NOX4: variants seen among roughly 807,000 people sequenced by gnomAD.
NOX4 encodes kidney oxidase-1.
A neutral mutation model predicts 87.6 loss-of-function variants in NOX4; 69 were observed. The observed-to-expected ratio is 0.79, with a 90% CI of 0.65 to 0.96. NOX4 has a LOEUF of 0.96. Among genes scored for constraint, NOX4 ranks in the 40% least tolerant of loss-of-function variants. The pLI is 0.00. For synonymous variants in NOX4, 275 were observed against 238.2 expected (o/e 1.15, Z -1.42); for missense variants, 680 against 681.5 (o/e 1.00, Z 0.02).
chr11:89,339,242 T>A (rs317180), intron 15 of NOX4, among the ~76,000 whole-genome samples: 91,520 of 151,988 alleles, frequency 0.6, 30,465 homozygotes, highest in African/African-American at 0.9. Context: ...TAAAAGAATC[T>A]GGTGGGTCTA....
Position 89,432,876 on chromosome 11 carries a change from T to C in NOX4, c.476-20A>G, listed in dbSNP as rs773346493. ...CAGGAACTATAAAAATGTATACAAG[T>C]AGGTTTTTACTTAAATCATAGTGAG... is the stretch of plus-strand genomic sequence containing the variant. On this transcript the variant is annotated intron_variant, in intron 6 of 17. Transcript: ENST00000263317. 6.4e-7 allele frequency: 1 copy of C among 1,556,234 alleles called. No individual in the cohort carries two copies. The highest frequency in any genetic ancestry group is 1.1e-5 in the South Asian group (1 of 89,314).
intron 8 of NOX4, among the ~76,000 whole-genome samples, chr11:89,412,815 A>T (rs1392431067): frequency 6.6e-6 from 1 of 152,116 alleles, no homozygotes; most frequent in African/African-American, 2.4e-5. Flanking sequence ...CAATCAAAGC[A>T]AAAATAGACA....
chr11:89,396,707 C>G (rs1239685384), intron 11 of NOX4, among the ~76,000 whole-genome samples: 2 of 151,948 alleles, frequency 1.3e-5, no homozygotes, highest in African/African-American at 4.8e-5. Flanking sequence ...CAACAAAGAT[C>G]AAAAGAGACA....
chr11:89,394,230 TAAA>T lies in NOX4; in HGVS notation c.1074+5784_1074+5786del, dbSNP rs977038155. On this transcript the variant is annotated intron_variant, in intron 11 of 17. Transcript: ENST00000263317. ...TCTTTGATACACTGTTTTAAGAAAG[TAAA>T]AAAGTTTTCAGTGATTGAGTATATA... 6.6e-5 allele frequency among the ~76,000 whole-genome samples: 10 copies of T among 152,264 alleles called. No homozygotes were observed. In the South Asian group the frequency reaches 1.9e-3, roughly 28 times the overall value.
At chr11:89,515,427 T>C in the NOX4 span, among the ~76,000 whole-genome samples, 1 of 151,922 alleles carries the variant, frequency 6.6e-6, no homozygotes, top group Non-Finnish European at 1.5e-5. Context: ...AAAATCTTCT[T>C]ATTGCAGTGT....
chr11:89,442,677 T>C (rs947197243), intron 5 of NOX4, among the ~76,000 whole-genome samples: 2 of 152,164 alleles, frequency 1.3e-5, no homozygotes, highest in Non-Finnish European at 2.9e-5. Flanking sequence ...AGGAGAAGCT[T>C]TCACTTTTAA....
chr11:89,343,067 C>T (rs868366286), intron 13 of NOX4, among the ~76,000 whole-genome samples: 1 of 151,852 alleles, frequency 6.6e-6, no homozygotes, highest in Admixed American at 6.6e-5. Flanking sequence ...AGCTACACAC[C>T]CACACACACA....
At chr11:89,465,672 C>T (rs1027905038) in intron 2 of NOX4, among the ~76,000 whole-genome samples, 10 of 152,160 alleles carry the variant, frequency 6.6e-5, no homozygotes, top group African/African-American at 2.4e-4. Flanking sequence ...GATTGACATT[C>T]TAACTGGTGT....
the NOX4 span, among the ~76,000 whole-genome samples, chr11:89,585,271 T>A: frequency 2.1e-3 from 327 of 152,258 alleles, 2 homozygotes; most frequent in Non-Finnish European, 3.7e-3. Context: ...CCTGGACACA[T>A]TCAATTTCTC....
At chr11:89,475,222 A>G (rs1449082648) in intron 2 of NOX4, among the ~76,000 whole-genome samples, 1 of 151,988 alleles carries the variant, frequency 6.6e-6, no homozygotes, top group African/African-American at 2.4e-5. Flanking sequence ...CAAAATGTTA[A>G]TGGTGGTTAT....
At chr11:89,387,067 C>A (rs1401425265) in intron 11 of NOX4, among the ~76,000 whole-genome samples, 2 of 152,068 alleles carry the variant, frequency 1.3e-5, no homozygotes, top group African/African-American at 4.8e-5. Context: ...CACCCCTAAT[C>A]CTGCTTGAAG....
chr11:89,366,904 C>A (rs1939043511), intron 12 of NOX4, among the ~76,000 whole-genome samples: 1 of 151,896 alleles, frequency 6.6e-6, no homozygotes, highest in Non-Finnish European at 1.5e-5. Flanking sequence ...ATATATTTAA[C>A]GTTCATAAAA....
At chr11:89,477,323 T>C (rs1197588264) in intron 2 of NOX4, among the ~76,000 whole-genome samples, 1 of 152,064 alleles carries the variant, frequency 6.6e-6, no homozygotes, top group Non-Finnish European at 1.5e-5. Context: ...ATAAGGTTCA[T>C]GCTCTTAAGA....
At chr11:89,471,110 C>CAT (rs1945920522) in intron 2 of NOX4, among the ~76,000 whole-genome samples, 1 of 152,180 alleles carries the variant, frequency 6.6e-6, no homozygotes, top group Non-Finnish European at 1.5e-5. Context: ...TTCCCTTTTA[C>CAT]ATATATTTAG....
chr11:89,516,240 A>G, the NOX4 span, among the ~76,000 whole-genome samples: 1 of 152,078 alleles, frequency 6.6e-6, no homozygotes, highest in African/African-American at 2.4e-5. Context: ...ATAAACCTCA[A>G]AATACAATGT....
intron 2 of NOX4, among the ~76,000 whole-genome samples, chr11:89,472,513 CTT>C (rs1374671007): frequency 1.3e-5 from 2 of 151,986 alleles, no homozygotes; most frequent in African/African-American, 4.8e-5. Context: ...TAACTCAAAT[CTT>C]TTCTATTTGT....
intron 7 of NOX4, among the ~76,000 whole-genome samples, chr11:89,422,215 C>A (rs537990691): frequency 6.6e-6 from 1 of 151,992 alleles, no homozygotes; most frequent in African/African-American, 2.4e-5. Flanking sequence ...AATAAAGACA[C>A]ATGGAAATAA....
At chr11:89,517,029 T>C in the NOX4 span, among the ~76,000 whole-genome samples, 1 of 151,938 alleles carries the variant, frequency 6.6e-6, no homozygotes, top group Admixed American at 6.6e-5. Context: ...TTTTCTAAGA[T>C]GTTGAATAAT....
At chr11:89,387,514 C>G (rs1249485771) in intron 11 of NOX4, among the ~76,000 whole-genome samples, 2 of 152,144 alleles carry the variant, frequency 1.3e-5, no homozygotes, top group African/African-American at 4.8e-5. Context: ...CTTTATTGCT[C>G]ACACAAAGCC....
Sources: gnomAD v4.1 joint callset for allele counts (sites outside exome capture counted in the v4.1 genomes callset) on GRCh38, gnomAD v4.1.1 for gene constraint, MANE v1.5 for transcripts, NCBI Gene and HGNC (gene_info 2026-07-23, HGNC 2026-07-21) for gene names.